Variants in EPS8L3 observed in about 807,000 individuals in gnomAD.
EPS8L3 encodes epidermal growth factor receptor kinase substrate 8-like protein 3.
In EPS8L3, 80 loss-of-function variants were observed where a neutral mutation model predicts 88.5. The ratio of observed to expected loss-of-function variants is 0.90; its 90% CI spans 0.75 to 1.09. The LOEUF (loss-of-function observed/expected upper bound fraction) is 1.09. Ranked by LOEUF, EPS8L3 falls within the 50% of genes least tolerant of loss-of-function variation. The pLI is 0.00. For synonymous variants in EPS8L3, 286 were observed against 291.0 expected (o/e 0.98, Z 0.18); for missense variants, 721 against 735.2 (o/e 0.98, Z 0.22).
At chr1:109,762,830 G>C (rs7534019) in intron 1 of EPS8L3, among the ~76,000 whole-genome samples, 1 of 152,048 alleles carries the variant, frequency 6.6e-6, no homozygotes, top group African/African-American at 2.4e-5. Flanking sequence ...TGCAAGCTTC[G>C]TGTTTTAATG....
intron 16 of EPS8L3, 140 bp downstream of exon 16, chr1:109,751,514 T>C: frequency 1.4e-6 from 2 of 1,400,176 alleles, no homozygotes; most frequent in East Asian, 2.3e-5. Flanking sequence ...TCTGGCCCCA[T>C]GATAAAGTTG....
intron 3 of EPS8L3, 93 bp downstream of exon 3, chr1:109,761,402 T>C: frequency 8.9e-7 from 1 of 1,122,276 alleles, no homozygotes; most frequent in Non-Finnish European, 1.3e-6. Flanking sequence ...GGGCAGGGAC[T>C]TGTGTGAAGT....
chr1:109,761,549 C>T lies in EPS8L3; in HGVS notation c.42G>A (p.Lys14=), dbSNP rs1650948556. ...PSSRAIYLHR[K]EYSQNLTSEP... The stretch of plus-strand genomic sequence containing the variant: ...CTGAGGTGAGGTTCTGGGAGTACTC[C>T]TTCCGGTGCACTACAAGGGCACAGA... Residue 14 remains lysine, a synonymous_variant, in exon 3 of 19, where the codon AAG becomes AAA. Coordinates refer to ENST00000361965, the MANE Select transcript of EPS8L3 (RefSeq NM_133181.4). The T allele has an allele frequency of 1.2e-6, 2 of 1,613,782 alleles. No homozygotes were observed. The highest frequency in any genetic ancestry group is 1.6e-4 in the Middle Eastern group (1 of 6,062).
At chr1:109,761,274 C>G in intron 3 of EPS8L3, 1 of 511,938 alleles carries the variant, frequency 2.0e-6, no homozygotes, top group Non-Finnish European at 3.5e-6. Context: ...AACCTCCAGC[C>G]AGGCCTGCTC....
At chr1:109,758,139 C>T in intron 8 of EPS8L3, 81 bp from the exon 9 acceptor site, 2 of 1,379,440 alleles carry the variant, frequency 1.4e-6, no homozygotes, top group Non-Finnish European at 2.0e-6. Context: ...CGCACCCCTC[C>T]CCACCACAAG....
In EPS8L3 at chr1:109,753,194, C is replaced by A; in HGVS notation, c.1123G>T (p.Asp375Tyr). 6.2e-7 allele frequency: 1 copy of A among 1,608,676 alleles called. No homozygotes were observed. Among genetic ancestry groups the A allele is most frequent in the Non-Finnish European group, 8.5e-7 (1 of 1,177,330 alleles). Reference sequence around the variant, plus strand: ...GGCAGGGGCTCATCGCCTGTCCAGTCGGCCCTGAAGAGGGAAACAAAGCTG... The same window carrying A: ...GGCAGGGGCTCATCGCCTGTCCAGTAGGCCCTGAAGAGGGAAACAAAGCTG... Reference protein sequence around the residue: ...LGPAWTTSRADWTGDEPLPYQ... With the variant: ...LGPAWTTSRAYWTGDEPLPYQ... The change falls in exon 13 of 19, where the codon GAC (aspartate) becomes TAC (tyrosine). Residue 375 changes from aspartate (D) to tyrosine (Y), a missense_variant. Coordinates refer to ENST00000361965, the MANE Select transcript of EPS8L3 (RefSeq NM_133181.4).
At chr1:109,751,448 C>G in intron 16 of EPS8L3, 97 bp from the exon 17 acceptor site, 5 of 1,406,472 alleles carry the variant, frequency 3.6e-6, no homozygotes, top group Non-Finnish European at 4.9e-6. Flanking sequence ...CCCATCAAAT[C>G]ACTTCTCTTA....
In EPS8L3 at chr1:109,758,626, A is replaced by C; in HGVS notation, c.499T>G (p.Trp167Gly). 6.2e-7 allele frequency: 1 copy of C among 1,611,462 alleles called. No individual in the cohort carries two copies. Reference sequence around the variant, plus strand: ...GGCCTTTCCATAGCAGGCCCCCTCCATCTGTCCTGGCCTGGCTGAAGGCCT... The same window carrying C: ...GGCCTTTCCATAGCAGGCCCCCTCCCTCTGTCCTGGCCTGGCTGAAGGCCT... The part of the protein sequence containing the change: ...LGGLQPGQDR[W>G]RGPAMERPLP... The change falls in exon 7 of 19, where the codon TGG becomes GGG. Residue 167 changes from tryptophan to glycine, a missense_variant. By Grantham distance (184) the Trp-to-Gly change is radical. Transcript: ENST00000361965.
chr1:109,752,502 G>A (rs926584978), intron 14 of EPS8L3, among the ~76,000 whole-genome samples, 184 bp downstream of exon 14: 1 of 152,100 alleles, frequency 6.6e-6, no homozygotes, highest in Non-Finnish European at 1.5e-5. Context: ...AGAAGCAATG[G>A]GAGCCTAGGA....
intron 1 of EPS8L3, among the ~76,000 whole-genome samples, chr1:109,763,578 C>T (rs1212213760): frequency 6.6e-6 from 1 of 152,152 alleles, no homozygotes; most frequent in Admixed American, 6.5e-5. Flanking sequence ...GCAGGGAAGG[C>T]CATCACCTCA....
intron 1 of EPS8L3, among the ~76,000 whole-genome samples, chr1:109,762,760 G>A (rs570115930): frequency 1.1e-4 from 17 of 152,318 alleles, no homozygotes; most frequent in East Asian, 1.9e-4. Context: ...GCTCAAAGAC[G>A]GTAACAGGCC....
chr1:109,755,152 G>T (rs904804503), intron 12 of EPS8L3, among the ~76,000 whole-genome samples: 3 of 152,174 alleles, frequency 2.0e-5, no homozygotes, highest in African/African-American at 7.2e-5. Flanking sequence ...AATATTGTAT[G>T]ATTTCACTTA....
Position 109,758,635 on chromosome 1 carries a change from G to A in EPS8L3, c.490C>T (p.Gln164Ter), listed in dbSNP as rs1570696639. ...ATAGCAGGCCCCCTCCATCTGTCCTGGCCTGGCTGAAGGCCTCCAAGTCGA... is the reference window on the plus strand; with the variant it reads ...ATAGCAGGCCCCCTCCATCTGTCCTAGCCTGGCTGAAGGCCTCCAAGTCGA... ...RPRLGGLQPG[Q>*]DRWRGPAMER... is the part of the protein sequence containing the mutation. The change falls in exon 7 of 19, where the codon CAG becomes TAG. Residue 164 changes from glutamine (Q) to a stop codon, truncating the protein, a stop_gained. Coordinates refer to ENST00000361965, the MANE Select transcript of EPS8L3 (RefSeq NM_133181.4). LOFTEE classifies it high-confidence loss of function. 1.1e-5 allele frequency: 17 copies of A among 1,602,182 alleles called. No homozygotes were observed. The East Asian group carries it at 3.8e-4, about 36-fold the overall frequency.
Position 109,759,773 on chromosome 1 carries a change from G to A in EPS8L3, c.160C>T (p.Leu54=). ...VQGPEDALQK[L]FEMDAQGRVW... is the part of the protein sequence containing the mutation. The stretch of plus-strand genomic sequence containing the variant: ...CGGCCCTGTGCATCCATCTCGAACA[G>A]CTTCTGCAAGGCATCCTCGGGCCCC... Residue 54 remains leucine (L), a synonymous_variant, in exon 4 of 19, where the codon CTG becomes TTG. Transcript: ENST00000361965. This position sits in a 1 kb window ranked among gnomAD's most constrained non-coding sequence, Gnocchi z 4.2. 6.2e-7 allele frequency: 1 copy of A among 1,614,148 alleles called. No individual in the cohort carries two copies. Among genetic ancestry groups the A allele is most frequent in the Non-Finnish European group, 8.5e-7 (1 of 1,180,038 alleles).
In EPS8L3 at chr1:109,750,702, TG is replaced by T. The variant is rs1263085290; in HGVS notation, c.1727del (p.Pro576HisfsTer16). On this transcript the variant is annotated frameshift_variant, in exon 18 of 19. Transcript: ENST00000361965. LOFTEE classifies it high-confidence loss of function. ...CAGCCTCCAGCCGGGACAGGATTCG[TG>T]GGGCCTCCTGTGGACATAGCATCTG... ...ELQMLCPQEA[P>X]RILSRLEAVR... The T allele has an allele frequency of 1.9e-6, 3 of 1,614,068 alleles. No individual in the cohort carries two copies. In the African/African-American group the frequency reaches 4.0e-5, roughly 22 times the overall value.
At chr1:109,760,263 A>C (rs1278754999) in intron 3 of EPS8L3, among the ~76,000 whole-genome samples, 2 of 151,666 alleles carry the variant, frequency 1.3e-5, no homozygotes, top group Admixed American at 6.6e-5. Flanking sequence ...CTTCCTCCTC[A>C]CTCACCCAGC....
At position 109,750,397 on chromosome 1, in the gene EPS8L3, G is replaced by C. The variant is rs771170860; in HGVS notation, c.1776C>G (p.Ser592Arg). The C allele has an allele frequency of 3.1e-6, 5 of 1,613,766 alleles. No homozygotes were observed. Among genetic ancestry groups the C allele is most frequent in the Non-Finnish European group, 4.2e-6 (5 of 1,179,884 alleles). ...GAGGTGTCTAAGCTGGTGCCTAAGGGCTTATCTGAGGAAAGACAAAGATTC... is the reference window on the plus strand; with the variant it reads ...GAGGTGTCTAAGCTGGTGCCTAAGGCCTTATCTGAGGAAAGACAAAGATTC... The part of the protein sequence containing the change: ...LEAVRRMLGI[S>R]P Residue 592 changes from serine to arginine, a missense_variant, in exon 19 of 19, where the codon AGC becomes AGG. Ser to Arg is a moderately radical substitution (Grantham distance 110). Transcript: ENST00000361965.
At position 109,759,273 on chromosome 1, in the gene EPS8L3, T is replaced by C; in HGVS notation, c.370A>G (p.Thr124Ala). 6.2e-7 allele frequency: 1 copy of C among 1,614,070 alleles called. No individual in the cohort carries two copies. The highest frequency in any genetic ancestry group is 8.5e-7 in the Non-Finnish European group (1 of 1,179,996). ...ITVQEPGLPGTSTLLFQCQEV... is the reference protein window; with the variant it reads ...ITVQEPGLPGASTLLFQCQEV... ...TGGCACTGGAAGAGCAGAGTGCTAG[T>C]GCCTGGCAGGCCCGGCTCCTGCACG... The change falls in exon 5 of 19, where the codon ACT becomes GCT. Residue 124 changes from threonine to alanine, a missense_variant. Thr to Ala is a moderately conservative substitution (Grantham distance 58). Transcript: ENST00000361965. This position sits in a 1 kb window ranked among gnomAD's most constrained non-coding sequence, Gnocchi z 4.2.
chr1:109,751,605 A>T, intron 16 of EPS8L3, 49 bp downstream of exon 16: 1 of 1,611,880 alleles, frequency 6.2e-7, no homozygotes, highest in African/African-American at 1.3e-5. Flanking sequence ...CCCCACCCCG[A>T]CCTCCAACTC....
Sources: gnomAD v4.1 joint callset for allele counts (sites outside exome capture counted in the v4.1 genomes callset) on GRCh38, gnomAD v4.1.1 for gene constraint, Gnocchi (gnomAD v3.1) non-coding constraint, MANE v1.5 for transcripts, NCBI Gene and HGNC (gene_info 2026-07-23, HGNC 2026-07-21) for gene names.